The following DDX3X variants were observed in gnomAD, a reference collection of about 807,000 sequenced individuals.
DDX3X encodes the protein ATP-dependent RNA helicase DDX3X.
Under a neutral mutation model 52.7 loss-of-function variants are expected in DDX3X, and 4 were observed. That is an observed-to-expected ratio of 0.08 (90% CI 0.04 to 0.17). DDX3X has a LOEUF of 0.17. DDX3X is among the 10% of genes least tolerant of loss of function. The pLI, the probability that DDX3X is intolerant of heterozygous loss-of-function variation, is 1.00. For missense variants in DDX3X, 222 were observed against 548.6 expected, an observed-to-expected ratio of 0.40 and a Z score of 5.95; for synonymous variants, 192 against 178.1, an observed-to-expected ratio of 1.08 and a Z score of -0.62.
At chrX:41,347,277 T>A (rs145671179) in intron 15 of DDX3X, 35 bp from the exon 16 acceptor site, 5 of 1,180,115 alleles carry the variant, frequency 4.2e-6, no homozygotes, top group Middle Eastern at 4.9e-4. Context: ...TGGAATTTCA[T>A]CTTCATGTGA....
intron 7 of DDX3X, 73 bp downstream of exon 7, chrX:41,343,424 T>G: frequency 1.0e-6 from 1 of 993,630 alleles, no homozygotes; most frequent in Non-Finnish European, 1.3e-6. Context: ...ATTTTATTTT[T>G]TATGGGTCAT....
chrX:41,334,530 T>C, intron 1 of DDX3X: 6 of 1,093,555 alleles, frequency 5.5e-6, no homozygotes, highest in Non-Finnish European at 5.9e-6. Context: ...ATGGCGGCTT[T>C]TGTGTGTGCG....
At chrX:41,340,435 A>G (rs1329223986) in intron 3 of DDX3X, 1 of 129,675 alleles carries the variant, frequency 7.7e-6, no homozygotes, top group Admixed American at 9.0e-5. Context: ...GGCAGAAGGA[A>G]AGTAACTGAA....
chrX:41,358,759 T>C (rs1297106969), intron 5 of DDX3X, among the ~76,000 whole-genome samples: 1 of 110,855 alleles, frequency 9.0e-6, no homozygotes, highest in Non-Finnish European at 1.9e-5. Flanking sequence ...GGGGATTTTT[T>C]TTATTTTTTA....
chrX:41,357,307 C>G (rs1018463370), intron 5 of DDX3X, among the ~76,000 whole-genome samples: 1 of 110,495 alleles, frequency 9.1e-6, no homozygotes, highest in African/African-American at 3.3e-5. Context: ...TATAGTTTTG[C>G]AAAAGTAATT....
In DDX3X at chrX:41,346,347, G is replaced by A. The variant is rs186110059; in HGVS notation, c.1434G>A (p.Arg478=). 1.1e-4 allele frequency: 136 copies of A among 1,209,769 alleles called. No individual in the cohort carries two copies. Among genetic ancestry groups the A allele is most frequent in the African/African-American group, 5.9e-4 (34 of 57,235 alleles). ...GCATCCATGGAGACCGTTCTCAGAGGGATAGAGAAGAGGCCCTTCACCAGT... is the reference window on the plus strand; with the variant it reads ...GCATCCATGGAGACCGTTCTCAGAGAGATAGAGAAGAGGCCCTTCACCAGT... The part of the protein sequence containing the change: ...CTSIHGDRSQ[R]DREEALHQFR... Residue 478 remains arginine (R), a synonymous_variant, in exon 13 of 17, where the codon AGG becomes AGA. Transcript: ENST00000644876.
chrX:41,350,369 A>G (rs1263536970), downstream of DDX3X: 3 of 112,523 alleles, frequency 2.7e-5, no homozygotes, highest in Admixed American at 2.8e-4. Context: ...TTGCAATGAA[A>G]GATGAAGATA....
chrX:41,353,472 A>T (rs2063996921), downstream of DDX3X, among the ~76,000 whole-genome samples: 1 of 104,183 alleles, frequency 9.6e-6, no homozygotes, highest in African/African-American at 3.5e-5. Flanking sequence ...CATCTCAAAA[A>T]ATATATATAT....
upstream of DDX3X, chrX:41,333,399 T>C (rs779601270): frequency 1.0e-5 from 1 of 96,058 alleles, no homozygotes; most frequent in South Asian, 4.7e-4. Context: ...TCCCTCCTCC[T>C]TTCCCCTTAC....
chrX:41,334,625 G>C (rs981173763), intron 1 of DDX3X: 1 of 1,082,665 alleles, frequency 9.2e-7, no homozygotes, highest in Non-Finnish European at 1.2e-6. Flanking sequence ...GTGACCTGGG[G>C]GGGTTTGCGG....
chrX:41,346,068 C>G (rs2063919188), intron 12 of DDX3X, among the ~76,000 whole-genome samples, 161 bp from the exon 13 acceptor site: 1 of 111,082 alleles, frequency 9.0e-6, no homozygotes, highest in Non-Finnish European at 1.9e-5. Context: ...TTTGGATTAC[C>G]TTTATTACTT....
chrX:41,346,674 A>C, intron 14 of DDX3X, 52 bp downstream of exon 14: 2 of 1,017,130 alleles, frequency 2.0e-6, no homozygotes, highest in Non-Finnish European at 2.7e-6. Flanking sequence ...TGATGTGTGC[A>C]GGAAAGAACT....
downstream of DDX3X, among the ~76,000 whole-genome samples, chrX:41,354,866 T>A (rs1220100262): frequency 9.1e-6 from 1 of 109,824 alleles, no homozygotes; most frequent in African/African-American, 3.3e-5. Flanking sequence ...GGAGTCTCAC[T>A]CTGTTGCCCA....
chrX:41,337,219 A>G (rs2147340072), intron 1 of DDX3X, among the ~76,000 whole-genome samples, 189 bp from the exon 2 acceptor site: 1 of 112,567 alleles, frequency 8.9e-6, no homozygotes, highest in South Asian at 3.6e-4. Context: ...GTAATATTGC[A>G]TTTGCTTAGA....
chrX:41,355,564 C>A (rs2064004891), intron 5 of DDX3X, among the ~76,000 whole-genome samples: 1 of 110,457 alleles, frequency 9.1e-6, no homozygotes. Context: ...AGCTCCCAAG[C>A]TCAAGCCATC....
intron 5 of DDX3X, among the ~76,000 whole-genome samples, chrX:41,363,509 C>A (rs746596682): frequency 9.5e-6 from 1 of 105,456 alleles, no homozygotes; most frequent in African/African-American, 3.5e-5. Context: ...TCTGGCCGGG[C>A]GCAGTGGCTC....
chrX:41,355,503 T>G (rs1416177590), intron 5 of DDX3X, among the ~76,000 whole-genome samples: 1 of 110,892 alleles, frequency 9.0e-6, no homozygotes, highest in African/African-American at 3.3e-5. Flanking sequence ...GGTCCCACTC[T>G]GTCACCCAGG....
chrX:41,343,988 C>CACAT, intron 8 of DDX3X, 42 bp from the exon 9 acceptor site: 4 of 1,088,729 alleles, frequency 3.7e-6, no homozygotes, highest in Non-Finnish European at 5.0e-6. Context: ...ACTTTTCAAA[C>CACAT]AGGGTAGGTA....
chrX:41,337,644 T>C (rs2063791005), intron 2 of DDX3X, 179 bp downstream of exon 2: 1 of 60,705 alleles, frequency 1.6e-5, no homozygotes, highest in Non-Finnish European at 2.4e-5. Flanking sequence ...ATCGTTGCCT[T>C]TTTTTTTTTT....
Sources: gnomAD v4.1 joint callset for allele counts (sites outside exome capture counted in the v4.1 genomes callset) on GRCh38, gnomAD v4.1.1 for gene constraint, MANE v1.5 for transcripts, NCBI Gene and HGNC (gene_info 2026-07-23, HGNC 2026-07-21) for gene names.